NALF1: variants seen among roughly 807,000 people sequenced by gnomAD.
The protein encoded by NALF1 is family with sequence similarity 155 member A.
A neutral mutation model predicts 48.4 loss-of-function variants in NALF1; 3 were observed. The observed-to-expected ratio is 0.06, with a 90% CI of 0.03 to 0.16. NALF1 has a LOEUF of 0.16. NALF1 is among the 10% of genes least tolerant of loss of function. The pLI is 1.00. For synonymous variants in NALF1, 262 were observed against 245.7 expected, an observed-to-expected ratio of 1.07 and a Z score of -0.62; for missense variants, 526 against 571.5, an observed-to-expected ratio of 0.92 and a Z score of 0.81.
intron 1 of NALF1, among the ~76,000 whole-genome samples, chr13:107,269,913 ATTTTTTTTTTTTTTT>A (rs71121514): frequency 6.7e-5 from 6 of 89,044 alleles, no homozygotes; most frequent in East Asian, 3.3e-4. Context: ...CGCCCGGCTA[ATTTTTTTTTTTTTTT>A]TTTTTTTTTT....
intron 1 of NALF1, among the ~76,000 whole-genome samples, chr13:107,496,687 AAAAG>A: frequency 1.3e-5 from 2 of 152,320 alleles, no homozygotes; most frequent in South Asian, 4.1e-4. Context: ...GGCAATTTAC[AAAAG>A]AAAGAGGTTT....
intron 1 of NALF1, among the ~76,000 whole-genome samples, chr13:107,222,981 G>A (rs1566456117): frequency 6.6e-6 from 1 of 152,140 alleles, no homozygotes; most frequent in African/African-American, 2.4e-5. Context: ...ATTATTATCA[G>A]TTTAATCTAC....
intron 1 of NALF1, among the ~76,000 whole-genome samples, chr13:107,824,049 C>G (rs1879438644): frequency 6.6e-6 from 1 of 151,688 alleles, no homozygotes; most frequent in South Asian, 2.1e-4. Flanking sequence ...TCCTGTTTTC[C>G]TTATCCTGTG....
At chr13:107,756,239 T>G (rs1344257146) in intron 1 of NALF1, among the ~76,000 whole-genome samples, 4 of 152,104 alleles carry the variant, frequency 2.6e-5, no homozygotes, top group African/African-American at 4.8e-5. Context: ...AATTCACATC[T>G]ACAGGGGAAG....
At chr13:107,793,319 TACA>T (rs766017340) in intron 1 of NALF1, among the ~76,000 whole-genome samples, 14 of 152,226 alleles carry the variant, frequency 9.2e-5, no homozygotes, top group Non-Finnish European at 2.1e-4. Context: ...AAGCACTCTC[TACA>T]ACAACAGTGA....
chr13:107,821,789 T>G (rs1341968941), intron 1 of NALF1, among the ~76,000 whole-genome samples: 2 of 152,240 alleles, frequency 1.3e-5, no homozygotes, highest in African/African-American at 2.4e-5. Context: ...AGTAAGATTT[T>G]AAGCGAATCA....
chr13:107,554,899 G>A (rs182248344), intron 1 of NALF1, among the ~76,000 whole-genome samples: 5 of 152,220 alleles, frequency 3.3e-5, no homozygotes, highest in African/African-American at 9.6e-5. Flanking sequence ...ACGGAAGGAG[G>A]AGTGTAGAGA....
chr13:107,642,103 A>C (rs559565971), intron 1 of NALF1, among the ~76,000 whole-genome samples: 1 of 152,248 alleles, frequency 6.6e-6, no homozygotes, highest in African/African-American at 2.4e-5. Flanking sequence ...TCCCCGACCC[A>C]CTGGATTAGA....
chr13:107,222,540 T>C (rs909771266), intron 1 of NALF1, among the ~76,000 whole-genome samples: 1 of 152,210 alleles, frequency 6.6e-6, no homozygotes, highest in Non-Finnish European at 1.5e-5. Flanking sequence ...TAACAGATTA[T>C]CTTGTGCATG....
chr13:107,693,964 G>T (rs189979194), intron 1 of NALF1, among the ~76,000 whole-genome samples: 1 of 152,124 alleles, frequency 6.6e-6, no homozygotes, highest in Non-Finnish European at 1.5e-5. Flanking sequence ...CCATTAAATC[G>T]TACATGTAAC....
intron 1 of NALF1, among the ~76,000 whole-genome samples, chr13:107,745,055 T>C (rs1246981170): frequency 6.6e-6 from 1 of 152,190 alleles, no homozygotes; most frequent in Non-Finnish European, 1.5e-5. Flanking sequence ...GAATAAAAGG[T>C]CCTTAGCAAA....
chr13:107,317,471 A>G (rs997456262), intron 1 of NALF1, among the ~76,000 whole-genome samples: 1 of 152,026 alleles, frequency 6.6e-6, no homozygotes, highest in Non-Finnish European at 1.5e-5. Context: ...AGAGGTTTAA[A>G]AACATGTAGA....
chr13:107,834,911 C>T (rs1879845955), intron 1 of NALF1, among the ~76,000 whole-genome samples: 1 of 152,132 alleles, frequency 6.6e-6, no homozygotes, highest in Admixed American at 6.5e-5. Context: ...TTTAACATGA[C>T]AGCAAATGGC....
intron 1 of NALF1, among the ~76,000 whole-genome samples, chr13:107,670,814 T>C (rs1880972668): frequency 1.3e-5 from 2 of 152,116 alleles, no homozygotes; most frequent in African/African-American, 4.8e-5. Flanking sequence ...CTCCTATACT[T>C]GCTTAAGAGT....
At chr13:107,739,714 C>A (rs925209033) in intron 1 of NALF1, among the ~76,000 whole-genome samples, 4 of 152,158 alleles carry the variant, frequency 2.6e-5, no homozygotes, top group African/African-American at 7.2e-5. Context: ...CGGGGCCACA[C>A]AGCAGCAGGT....
At chr13:107,214,219 T>C (rs1879826252) in intron 1 of NALF1, among the ~76,000 whole-genome samples, 1 of 152,168 alleles carries the variant, frequency 6.6e-6, no homozygotes, top group Non-Finnish European at 1.5e-5. Context: ...AGGAAGGGGT[T>C]GAAAAGGATG....
chr13:107,751,355 T>C (rs1447307023), intron 1 of NALF1, among the ~76,000 whole-genome samples: 1 of 152,218 alleles, frequency 6.6e-6, no homozygotes, highest in African/African-American at 2.4e-5. Context: ...TGAAGAATAT[T>C]TGTGCCTTGT....
chr13:107,633,195 A>G (rs1045176037), intron 1 of NALF1, among the ~76,000 whole-genome samples: 10 of 152,140 alleles, frequency 6.6e-5, no homozygotes, highest in African/African-American at 2.4e-4. Context: ...TTTAGGAGTT[A>G]GTGACTTTTA....
intron 1 of NALF1, among the ~76,000 whole-genome samples, chr13:107,659,144 C>CACACACACACAT (rs1555315963): frequency 6.6e-6 from 1 of 151,736 alleles, no homozygotes; most frequent in African/African-American, 2.4e-5. Flanking sequence ...CACACACACA[C>CACACACACACAT]GCACTCAAAC....
Sources: gnomAD v4.1 joint callset for allele counts (sites outside exome capture counted in the v4.1 genomes callset) on GRCh38, gnomAD v4.1.1 for gene constraint, MANE v1.5 for transcripts, NCBI Gene and HGNC (gene_info 2026-07-23, HGNC 2026-07-21) for gene names.